Variants in CACNA1A observed in about 807,000 individuals in gnomAD.
CACNA1A encodes the protein voltage-dependent P/Q-type calcium channel subunit alpha-1A.
In CACNA1A, 57 loss-of-function variants were observed where a neutral mutation model predicts 262.4. The observed-to-expected ratio is 0.22, with a 90% confidence interval of 0.18 to 0.27. The LOEUF (loss-of-function observed/expected upper bound fraction) is 0.27. Among genes scored for constraint, CACNA1A ranks in the 10% least tolerant of loss-of-function variants. The pLI is 1.00. For missense variants in CACNA1A, 2,526 were observed against 3,562.8 expected (o/e 0.71, Z 7.41); for synonymous variants, 1,431 against 1,419.3 (o/e 1.01, Z -0.18).
chr19:13,493,554 C>A (rs1015144089), intron 1 of CACNA1A, among the ~76,000 whole-genome samples: 5 of 152,238 alleles, frequency 3.3e-5, no homozygotes, highest in Non-Finnish European at 5.9e-5. Flanking sequence ...AATTCCAAAC[C>A]ATTTAACTGT....
At chr19:13,384,945 A>T (rs2059584534) in intron 3 of CACNA1A, among the ~76,000 whole-genome samples, 1 of 152,104 alleles carries the variant, frequency 6.6e-6, no homozygotes, top group Non-Finnish European at 1.5e-5. Flanking sequence ...GTGGGAGAGA[A>T]CTGAATATGG....
chr19:13,425,431 A>G (rs2060384979), intron 3 of CACNA1A, among the ~76,000 whole-genome samples: 1 of 152,146 alleles, frequency 6.6e-6, no homozygotes, highest in South Asian at 2.1e-4. Flanking sequence ...AAGGAGACAC[A>G]CCACTCCCCA....
chr19:13,321,755 G>A (rs1183594605), intron 10 of CACNA1A, among the ~76,000 whole-genome samples: 2 of 152,140 alleles, frequency 1.3e-5, no homozygotes, highest in African/African-American at 4.8e-5. Context: ...GGCATGAATG[G>A]AGCTTGCAGG....
chr19:13,248,667 T>C (rs2056317569), intron 30 of CACNA1A, among the ~76,000 whole-genome samples: 1 of 151,834 alleles, frequency 6.6e-6, no homozygotes, highest in South Asian at 2.1e-4. Context: ...ACGTGGTGAA[T>C]CCCCGTCTCT....
At chr19:13,318,921 C>CTTTTTTT (rs1197755992) in intron 10 of CACNA1A, among the ~76,000 whole-genome samples, 2 of 94,824 alleles carry the variant, frequency 2.1e-5, no homozygotes, top group African/African-American at 1.0e-4. Flanking sequence ...CAGGATCTTG[C>CTTTTTTT]TTTGTTGCCC....
At chr19:13,313,091 C>T (rs2058063597) in intron 11 of CACNA1A, among the ~76,000 whole-genome samples, 1 of 152,006 alleles carries the variant, frequency 6.6e-6, no homozygotes, top group Non-Finnish European at 1.5e-5. Flanking sequence ...GAACTCCTGG[C>T]CTCAAGTGAT....
chr19:13,371,498 T>C (rs754301452), intron 4 of CACNA1A, 190 bp downstream of exon 4: 4 of 580,410 alleles, frequency 6.9e-6, no homozygotes, highest in Non-Finnish European at 1.2e-5. Flanking sequence ...GCTCCTAGTT[T>C]GCTTTCAGGA....
intron 3 of CACNA1A, among the ~76,000 whole-genome samples, chr19:13,394,721 G>A: frequency 6.6e-6 from 1 of 152,124 alleles, no homozygotes. Context: ...TAAGCAAACT[G>A]TTGGGGCTCA....
At chr19:13,471,805 C>A (rs1978285299) in intron 1 of CACNA1A, among the ~76,000 whole-genome samples, 1 of 152,044 alleles carries the variant, frequency 6.6e-6, no homozygotes, top group Admixed American at 6.6e-5. Context: ...GGATGAGGAG[C>A]AACTGCCTCA....
rs1235870142 is a variant in CACNA1A, at chr19:13,207,518, G to T, written c.7316C>A (p.Pro2439His). Residue 2439 changes from proline (P) to histidine (H), a missense_variant, in exon 47 of 47, where the codon CCC (proline) becomes CAC (histidine). Physicochemically the swap from Pro to His is moderately conservative, Grantham distance 77. Transcript: ENST00000360228. This position sits in a 1 kb window ranked among gnomAD's most constrained non-coding sequence, Gnocchi z 5.7. ...GGCGCCCGAGGACGCGTGTCGTACG[G>T]GGGGTGGCGCGTCGTAGGCCCCGGC... ...AMAGAYDAPP[P>H]VRHASSGATG... 3 of 1,435,822 alleles carry T rather than the reference G, an allele frequency of 2.1e-6. No individual in the cohort carries two copies. The highest frequency in any genetic ancestry group is 1.8e-6 in the Non-Finnish European group (2 of 1,097,450). 88.9% of individuals were successfully genotyped at this position (1,435,822 alleles called of 1,614,324 possible).
chr19:13,400,752 C>T (rs2059886808), intron 3 of CACNA1A, among the ~76,000 whole-genome samples: 1 of 152,136 alleles, frequency 6.6e-6, no homozygotes, highest in Non-Finnish European at 1.5e-5. Flanking sequence ...CAGGATAGCT[C>T]CCATTTTGGA....
At chr19:13,256,567 T>C (rs1383484347) in intron 28 of CACNA1A, 1 of 152,322 alleles carries the variant, frequency 6.6e-6, no homozygotes, top group African/African-American at 2.4e-5. Context: ...GATAGCTCAC[T>C]GCAGCCTCGA....
At chr19:13,494,384 A>G (rs528769353) in intron 1 of CACNA1A, among the ~76,000 whole-genome samples, 32 of 152,354 alleles carry the variant, frequency 2.1e-4, no homozygotes, top group African/African-American at 7.5e-4. Context: ...GGAGTTAGCC[A>G]TGGGGAGACC....
chr19:13,404,776 C>T (rs763319161), intron 3 of CACNA1A, among the ~76,000 whole-genome samples: 1 of 152,092 alleles, frequency 6.6e-6, no homozygotes, highest in Non-Finnish European at 1.5e-5. Context: ...TGATGCTAAA[C>T]GTGAACCATC....
At chr19:13,479,777 G>C (rs983202826) in intron 1 of CACNA1A, among the ~76,000 whole-genome samples, 3 of 152,120 alleles carry the variant, frequency 2.0e-5, no homozygotes, top group Admixed American at 6.5e-5. Context: ...CCAACAGAGA[G>C]AAAGAAAGGC....
rs16037 is a variant in CACNA1A, at chr19:13,245,110, C to T, written c.4950+72G>A. On this transcript the variant is annotated intron_variant, in intron 31 of 46. Transcript: ENST00000360228. ...TTCCGGGACACACTGCCTCTGGGAC[C>T]GCTCCCCCGCCCCCTGCCGCCTGCC... The T allele has an allele frequency of 4.3e-3, 5,123 of 1,195,166 alleles. 115 individuals are homozygous for T. In the African/African-American group the frequency reaches 0.056, roughly 13 times the overall value. 74.0% of individuals were successfully genotyped at this position (1,195,166 alleles called of 1,614,324 possible).
At chr19:13,398,467 T>C (rs549982981) in intron 3 of CACNA1A, among the ~76,000 whole-genome samples, 62 of 152,316 alleles carry the variant, frequency 4.1e-4, no homozygotes, top group African/African-American at 1.5e-3. Flanking sequence ...TTTGCCTCTT[T>C]GGTTCACTGA....
intron 3 of CACNA1A, among the ~76,000 whole-genome samples, chr19:13,385,387 G>A (rs2059593435): frequency 6.6e-6 from 1 of 151,996 alleles, no homozygotes; most frequent in African/African-American, 2.4e-5. Context: ...TTGCCACCAT[G>A]CCTGGCTAAT....
At chr19:13,454,377 T>TC (rs975576329) in intron 2 of CACNA1A, among the ~76,000 whole-genome samples, 7 of 151,160 alleles carry the variant, frequency 4.6e-5, no homozygotes, top group Admixed American at 2.0e-4. Context: ...TTTTTTCGCC[T>TC]CCCCCCCACC....
Sources: allele counts gnomAD v4.1 joint callset (sites outside exome capture counted in the v4.1 genomes callset), GRCh38; gene constraint gnomAD v4.1.1; non-coding constraint Gnocchi (gnomAD v3.1); transcripts MANE v1.5; gene names NCBI Gene and HGNC (gene_info 2026-07-23, HGNC 2026-07-21).